Variants in TTLL11 observed in about 807,000 individuals in gnomAD.
TTLL11 encodes tubulin polyglutamylase TTLL11.
Under a neutral mutation model 51.7 loss-of-function variants are expected in TTLL11, and 42 were observed. The ratio of observed to expected loss-of-function variants is 0.81; its 90% CI spans 0.64 to 1.05. The LOEUF (loss-of-function observed/expected upper bound fraction) is 1.05. TTLL11 is among the 50% of genes least tolerant of loss of function. The pLI is 0.00. For missense variants in TTLL11, 799 were observed against 940.4 expected (o/e 0.85, Z 1.97); for synonymous variants, 381 against 383.5 (o/e 0.99, Z 0.08).
At chr9:122,013,511 G>A (rs980585914) in intron 3 of TTLL11, among the ~76,000 whole-genome samples, 1 of 152,232 alleles carries the variant, frequency 6.6e-6, no homozygotes, top group East Asian at 1.9e-4. Flanking sequence ...GTCAAGAAGT[G>A]TGAGAACCTT....
intron 3 of TTLL11, among the ~76,000 whole-genome samples, chr9:122,013,489 G>A (rs1256536854): frequency 1.3e-5 from 2 of 152,224 alleles, no homozygotes; most frequent in African/African-American, 4.8e-5. Context: ...GGAAATGGCG[G>A]CAAGGGCAAC....
In TTLL11 at chr9:121,982,820, A is replaced by G. The variant is rs191734310; in HGVS notation, c.1269+6375T>C. On this transcript the variant is annotated intron_variant, in intron 4 of 8. Coordinates refer to ENST00000321582, the MANE Select transcript of TTLL11 (RefSeq NM_001139442.2). ...ACAAAGGCCTCTTCCAAAGAATAGC[A>G]AAGAGTGAGCGAAACGGAGAGTGGC... Among the ~76,000 whole-genome samples the G allele has an allele frequency of 4.9e-4, 74 of 152,260 alleles. 2 individuals carry two copies. In the East Asian group the frequency reaches 0.012, roughly 25 times the overall value.
chr9:121,902,041 T>C (rs555392867), intron 6 of TTLL11, among the ~76,000 whole-genome samples: 42 of 152,292 alleles, frequency 2.8e-4, no homozygotes, highest in African/African-American at 9.9e-4. Context: ...AGAAGATCTA[T>C]TGTGTGATCA....
At chr9:121,971,746 G>GAAAAAAAA (rs768215225) in intron 6 of TTLL11, among the ~76,000 whole-genome samples, 185 of 97,530 alleles carry the variant, frequency 1.9e-3, no homozygotes, top group Middle Eastern at 6.6e-3. Context: ...TCTGCCTTGG[G>GAAAAAAAA]AAAAAAAAAA....
At chr9:121,923,759 C>G (rs1008330267) in intron 6 of TTLL11, among the ~76,000 whole-genome samples, 1 of 152,232 alleles carries the variant, frequency 6.6e-6, no homozygotes, top group African/African-American at 2.4e-5. Context: ...CACTGACTCT[C>G]TTTCGCTCCC....
At chr9:121,937,933 A>G (rs1841294975) in intron 6 of TTLL11, among the ~76,000 whole-genome samples, 1 of 152,180 alleles carries the variant, frequency 6.6e-6, no homozygotes, top group Non-Finnish European at 1.5e-5. Context: ...CTGATAAAAG[A>G]TGCCTACCAA....
chr9:122,006,291 AG>A, intron 3 of TTLL11, among the ~76,000 whole-genome samples: 1 of 151,744 alleles, frequency 6.6e-6, no homozygotes, highest in Non-Finnish European at 1.5e-5. Flanking sequence ...CAGTGAGCTG[AG>A]ATGGCACCAC....
Position 121,860,443 on chromosome 9 carries a change from C to G in TTLL11, c.1734G>C (p.Arg578Ser). Residue 578 changes from arginine (R) to serine (S), a missense_variant and splice_region_variant, in exon 8 of 9, where the codon AGG becomes AGC. This residue lies in a region of TTLL11 where 468 missense variants were observed against 612.8 expected (regional missense o/e 0.76). Transcript: ENST00000321582. The stretch of plus-strand genomic sequence containing the variant: ...GGCTGCTGCTGCTGAGTTTGCAGCT[C>G]CTGCCAACAATGGGAAGTGACATGT... ...LGPTGFRTFI[R>S]SCKLSSSSLS... 1 of 1,550,256 alleles carries G rather than the reference C, an allele frequency of 6.5e-7. No homozygotes were observed. The highest frequency in any genetic ancestry group is 8.7e-7 in the Non-Finnish European group (1 of 1,146,588).
chr9:121,974,919 C>T lies in TTLL11; in HGVS notation c.1330G>A (p.Ala444Thr). 6.5e-7 allele frequency: 1 copy of T among 1,543,410 alleles called. No homozygotes were observed. Among genetic ancestry groups the T allele is most frequent in the Non-Finnish European group, 8.7e-7 (1 of 1,145,336 alleles). Residue 444 changes from alanine to threonine, a missense_variant, in exon 5 of 9, where the codon GCA (alanine) becomes ACA (threonine). By Grantham distance (58) the Ala-to-Thr change is moderately conservative. Transcript: ENST00000321582. The stretch of plus-strand genomic sequence containing the variant: ...TGTTCGATTCTCATACTGGGATTTG[C>T]ATTTACTTCAAGTAGTATAGGCTTC... ...NLKPILLEVN[A>T]NPSMRIEHEH... is the part of the protein sequence containing the mutation.
rs1284892522 is a variant in TTLL11 at position 121,976,023 on chromosome 9, CTAGT to C, written c.1270-1048_1270-1045del. Among the ~76,000 whole-genome samples, 4 of 152,144 alleles carry C rather than the reference CTAGT, an allele frequency of 2.6e-5. No homozygotes were observed. The East Asian group carries it at 5.8e-4, about 22-fold the overall frequency. ...AATGGATTTCCCAGAAACCGCCTAG[CTAGT>C]TAATCAATGACAGAGCTGGCTTTCA... On this transcript the variant is annotated intron_variant, in intron 4 of 8. Coordinates refer to ENST00000321582, the MANE Select transcript of TTLL11 (RefSeq NM_001139442.2).
At chr9:121,869,075 C>G (rs1358387519) in intron 7 of TTLL11, among the ~76,000 whole-genome samples, 1 of 152,222 alleles carries the variant, frequency 6.6e-6, no homozygotes, top group Non-Finnish European at 1.5e-5. Context: ...GGCTCTGAAG[C>G]CAGACCTGTC....
intron 8 of TTLL11, among the ~76,000 whole-genome samples, chr9:121,852,588 ATTC>A (rs1402939637): frequency 2.6e-5 from 4 of 152,054 alleles, no homozygotes. Context: ...CAGAGATCCT[ATTC>A]TCTCCACCCT....
At chr9:121,872,830 C>T (rs1187672120) in intron 6 of TTLL11, among the ~76,000 whole-genome samples, 1 of 152,202 alleles carries the variant, frequency 6.6e-6, no homozygotes, top group Non-Finnish European at 1.5e-5. Flanking sequence ...CTCCCTCCCA[C>T]AAAGAGGAGA....
At chr9:121,998,694 A>G (rs1057030779) in intron 3 of TTLL11, among the ~76,000 whole-genome samples, 9 of 152,068 alleles carry the variant, frequency 5.9e-5, no homozygotes, top group African/African-American at 2.2e-4. Context: ...GTATTGCTCA[A>G]TTGCAGTATT....
At chr9:121,978,693 C>T (rs1054576514) in intron 4 of TTLL11, among the ~76,000 whole-genome samples, 2 of 152,102 alleles carry the variant, frequency 1.3e-5, no homozygotes, top group Middle Eastern at 3.2e-3. Context: ...TTAAAGATAT[C>T]TGTCCTTCAT....
chr9:121,872,989 T>A lies in TTLL11; in HGVS notation c.1482-2241A>T, dbSNP rs1838411230. On this transcript the variant is annotated intron_variant, in intron 6 of 8. Transcript: ENST00000321582. ...AAATGAAATGTTTTCCCATTAAGGT[T>A]ATAGGAAGAAAGATGAGAAAAAAGG... Among the ~76,000 whole-genome samples the A allele has an allele frequency of 3.3e-5, 5 of 152,310 alleles. 1 individual carries two copies. In the Middle Eastern group the frequency reaches 0.017, roughly 518 times the overall value.
Position 121,868,218 on chromosome 9 carries a change from G to A in TTLL11, c.1733+2279C>T, listed in dbSNP as rs544580118. On this transcript the variant is annotated intron_variant, in intron 7 of 8. Transcript: ENST00000321582. Reference sequence around the variant, plus strand: ...TCTCCGGGGCCCCAAATACTTCCACGGTGCCCTAAGTGCCCTCATGACCTG... The same window carrying A: ...TCTCCGGGGCCCCAAATACTTCCACAGTGCCCTAAGTGCCCTCATGACCTG... Among the ~76,000 whole-genome samples the A allele has an allele frequency of 3.9e-5, 6 of 152,178 alleles. No homozygotes were observed. The South Asian group carries it at 1.0e-3, about 26-fold the overall frequency.
chr9:121,887,510 G>A (rs1290651738), intron 6 of TTLL11, among the ~76,000 whole-genome samples: 3 of 152,172 alleles, frequency 2.0e-5, no homozygotes, highest in African/African-American at 4.8e-5. Flanking sequence ...ACTAGGAATC[G>A]CGATGCCAGT....
chr9:121,860,580 T>A (rs935157991), intron 7 of TTLL11, 137 bp from the exon 8 acceptor site: 1 of 694,444 alleles, frequency 1.4e-6, no homozygotes, highest in African/African-American at 1.8e-5. Flanking sequence ...AATGTGATGG[T>A]GTTAGGAGGT....
Sources: gnomAD v4.1 joint callset for allele counts (sites outside exome capture counted in the v4.1 genomes callset) on GRCh38, gnomAD v4.1.1 for gene constraint, gnomAD v4.1.1 regional missense constraint, MANE v1.5 for transcripts, NCBI Gene and HGNC (gene_info 2026-07-23, HGNC 2026-07-21) for gene names.